The following ADAMTSL1 variants were observed in gnomAD, a reference collection of about 807,000 sequenced individuals.
ADAMTSL1 encodes the protein ADAMTS like 1.
In ADAMTSL1, 126 loss-of-function variants were observed where a neutral mutation model predicts 201.8. That is an observed-to-expected ratio of 0.62 (90% CI 0.54 to 0.72). The LOEUF is 0.72. ADAMTSL1 is among the 30% of genes least tolerant of loss of function. The pLI is 0.00. For missense variants in ADAMTSL1, 2,679 were observed against 2,277.8 expected (o/e 1.18, Z -3.59); for synonymous variants, 1,121 against 903.4 (o/e 1.24, Z -4.32).
chr9:17,956,230 T>C (rs1827926235), intron 1 of ADAMTSL1, among the ~76,000 whole-genome samples: 1 of 152,176 alleles, frequency 6.6e-6, no homozygotes, highest in African/African-American at 2.4e-5. Context: ...CTGTGGTAAA[T>C]GCCGTCAGTG....
At chr9:18,453,663 ACC>A (rs1563970134) in intron 2 of ADAMTSL1, among the ~76,000 whole-genome samples, 1 of 152,126 alleles carries the variant, frequency 6.6e-6, no homozygotes, top group Non-Finnish European at 1.5e-5. Context: ...CCTGCCAGAT[ACC>A]CTAGTTTATC....
chr9:18,324,582 C>T (rs889703900), intron 2 of ADAMTSL1, among the ~76,000 whole-genome samples: 6 of 151,770 alleles, frequency 4.0e-5, no homozygotes, highest in African/African-American at 1.2e-4. Context: ...CTGACCAACA[C>T]GGTGAAATCT....
At chr9:17,940,814 A>ACCC (rs66518755) in intron 1 of ADAMTSL1, among the ~76,000 whole-genome samples, 1 of 21,918 alleles carries the variant, frequency 4.6e-5, no homozygotes, top group Non-Finnish European at 9.9e-5. Flanking sequence ...CCCCCCCCCA[A>ACCC]AAAAAAGAAA....
At chr9:18,622,726 A>G in intron 5 of ADAMTSL1, 1 of 393,722 alleles carries the variant, frequency 2.5e-6, no homozygotes. Context: ...ATAACGAGGA[A>G]AGTGGGAAGA....
rs536403874 is a variant in ADAMTSL1, at chr9:18,702,282, C to A, written c.1575-4465C>A. On this transcript the variant is annotated intron_variant, in intron 13 of 28. Coordinates refer to ENST00000380548, the MANE Select transcript of ADAMTSL1 (RefSeq NM_001040272.6). ...CATATCAAATATGTTAGTTACAGGCCATGTAGACATACACCTAGAGGCTAG... is the reference window on the plus strand; with the variant it reads ...CATATCAAATATGTTAGTTACAGGCAATGTAGACATACACCTAGAGGCTAG... Among the ~76,000 whole-genome samples, 41 of 152,214 alleles carry A rather than the reference C, an allele frequency of 2.7e-4. No individual in the cohort carries two copies. The South Asian group carries it at 7.9e-3, about 29-fold the overall frequency.
chr9:18,225,492 T>A (rs7466296), intron 2 of ADAMTSL1, among the ~76,000 whole-genome samples: 151,060 of 152,280 alleles, frequency 0.99, 74,936 homozygotes, highest in Middle Eastern at 1. Context: ...CATATTTATT[T>A]TTTAGATATA....
chr9:18,388,726 TTG>T (rs1837912615), intron 2 of ADAMTSL1, among the ~76,000 whole-genome samples: 1 of 129,892 alleles, frequency 7.7e-6, no homozygotes, highest in African/African-American at 3.5e-5. Context: ...CGATTTTTTG[TTG>T]TTGTTGTTGT....
At chr9:18,834,701 A>C (rs1236965163) in intron 23 of ADAMTSL1, among the ~76,000 whole-genome samples, 1 of 152,100 alleles carries the variant, frequency 6.6e-6, no homozygotes, top group Non-Finnish European at 1.5e-5. Context: ...ACTAGACTGC[A>C]CTTTATAGAA....
intron 7 of ADAMTSL1, among the ~76,000 whole-genome samples, chr9:18,649,126 A>T (rs1188273077): frequency 2.6e-5 from 4 of 151,764 alleles, no homozygotes; most frequent in Admixed American, 2.6e-4. Context: ...TTCTCGCTTC[A>T]TTTCATTCAT....
At chr9:18,782,725 A>G (rs768084436) in intron 19 of ADAMTSL1, among the ~76,000 whole-genome samples, 1 of 152,222 alleles carries the variant, frequency 6.6e-6, no homozygotes, top group Non-Finnish European at 1.5e-5. Context: ...TGGATGTGCT[A>G]AGGAGATCAC....
intron 23 of ADAMTSL1, among the ~76,000 whole-genome samples, chr9:18,864,877 C>A (rs572815492): frequency 6.6e-6 from 1 of 152,156 alleles, no homozygotes. Flanking sequence ...ATGAGGGGAA[C>A]CCCCTGGTCT....
intron 2 of ADAMTSL1, among the ~76,000 whole-genome samples, chr9:18,233,955 A>G (rs1830743505): frequency 6.6e-6 from 1 of 152,210 alleles, no homozygotes. Flanking sequence ...ACCCTGATTC[A>G]TATTTGAAAA....
chr9:17,920,493 TGCATGACATA>T (rs1219249337), intron 1 of ADAMTSL1, among the ~76,000 whole-genome samples: 1 of 152,228 alleles, frequency 6.6e-6, no homozygotes, highest in Non-Finnish European at 1.5e-5. Flanking sequence ...TTGCTTATTT[TGCATGACATA>T]GACTCCTAGG....
chr9:18,818,479 T>C (rs75869153), intron 21 of ADAMTSL1, among the ~76,000 whole-genome samples: 2,849 of 152,322 alleles, frequency 0.019, 42 homozygotes, highest in Non-Finnish European at 0.032. Context: ...TTCTCTGAAA[T>C]ATTCTGATAG....
chr9:18,434,679 T>A (rs904835074), intron 2 of ADAMTSL1, among the ~76,000 whole-genome samples: 1 of 152,136 alleles, frequency 6.6e-6, no homozygotes, highest in Non-Finnish European at 1.5e-5. Flanking sequence ...ATTTTGGAAA[T>A]GCAGTTGGTT....
In ADAMTSL1 at chr9:18,753,459, G is replaced by A. The variant is rs1365350240; in HGVS notation, c.2168G>A (p.Cys723Tyr). The A allele has an allele frequency of 6.2e-7, 1 of 1,613,492 alleles. No homozygotes were observed. Among genetic ancestry groups the A allele is most frequent in the Non-Finnish European group, 8.5e-7 (1 of 1,179,796 alleles). Residue 723 changes from cysteine to tyrosine, a missense_variant, in exon 16 of 29, where the codon TGT (cysteine) becomes TAT (tyrosine). Transcript: ENST00000380548. ...RQPKPSTVQA[C>Y]NRFNCPPAWY... ...CCCAAGCCCAGCACGGTGCAAGCTT[G>A]TAACCGCTTTAATTGCCCCCCAGCC...
chr9:17,908,934 C>A (rs1373915483), intron 1 of ADAMTSL1, among the ~76,000 whole-genome samples: 6 of 151,730 alleles, frequency 4.0e-5, no homozygotes, highest in African/African-American at 1.5e-4. Flanking sequence ...TACAGTCCCA[C>A]CAACAGTGTA....
intron 23 of ADAMTSL1, among the ~76,000 whole-genome samples, chr9:18,879,695 T>A (rs991842586): frequency 6.6e-6 from 1 of 152,238 alleles, no homozygotes; most frequent in Non-Finnish European, 1.5e-5. Flanking sequence ...AAGTCTAATC[T>A]TTTTGCTGGT....
At chr9:18,331,044 G>A (rs1405696799) in intron 2 of ADAMTSL1, among the ~76,000 whole-genome samples, 2 of 152,162 alleles carry the variant, frequency 1.3e-5, no homozygotes, top group East Asian at 3.9e-4. Flanking sequence ...TATTTCACGT[G>A]TAGGTTTTGG....
Sources: gnomAD v4.1 joint callset for allele counts (sites outside exome capture counted in the v4.1 genomes callset) on GRCh38, gnomAD v4.1.1 for gene constraint, MANE v1.5 for transcripts, NCBI Gene and HGNC (gene_info 2026-07-23, HGNC 2026-07-21) for gene names.